The following SPARCL1 variants were observed in gnomAD, a reference collection of about 807,000 sequenced individuals.
SPARCL1 encodes the protein SPARC like 1.
In SPARCL1, 52 loss-of-function variants were observed where a neutral mutation model predicts 67.1. That is an observed-to-expected ratio of 0.78 (90% confidence interval 0.62 to 0.98). The LOEUF (loss-of-function observed/expected upper bound fraction) is 0.98. Ranked by LOEUF, SPARCL1 falls within the 50% of genes least tolerant of loss-of-function variation. SPARCL1 has a pLI of 0.00. For missense variants in SPARCL1, 717 were observed against 782.4 expected, an observed-to-expected ratio of 0.92 and a Z score of 1.00; for synonymous variants, 226 against 267.8, an observed-to-expected ratio of 0.84 and a Z score of 1.52.
intron 4 of SPARCL1, among the ~76,000 whole-genome samples, chr4:87,492,215 C>T (rs956241058): frequency 3.3e-5 from 5 of 152,036 alleles, no homozygotes; most frequent in Admixed American, 2.6e-4. Flanking sequence ...GTCAGGAATT[C>T]GAGACCAGCC....
intron 1 of SPARCL1, among the ~76,000 whole-genome samples, chr4:87,500,781 C>T (rs957360574): frequency 2.0e-5 from 3 of 151,524 alleles, no homozygotes; most frequent in African/African-American, 7.3e-5. Context: ...TTCACACACA[C>T]GTACGCGCGC....
At chr4:87,509,159 T>G (rs562368393) in intron 1 of SPARCL1, among the ~76,000 whole-genome samples, 122 of 151,424 alleles carry the variant, frequency 8.1e-4, no homozygotes, top group African/African-American at 2.5e-3. Flanking sequence ...GAAAGAGAGA[T>G]AGGAGGCATT....
intron 10 of SPARCL1, 135 bp from the exon 11 acceptor site, chr4:87,473,938 A>T: frequency 1.7e-6 from 1 of 602,730 alleles, no homozygotes; most frequent in Non-Finnish European, 2.9e-6. Flanking sequence ...TTGGTAGGAC[A>T]GCAACATCAC....
rs1724512627 is a variant in SPARCL1 at position 87,494,278 on chromosome 4, C to A, written c.522G>T (p.Gln174His). 1.9e-6 allele frequency: 3 copies of A among 1,613,912 alleles called. No individual in the cohort carries two copies. Among genetic ancestry groups the A allele is most frequent in the South Asian group, 1.1e-5 (1 of 91,080 alleles). Residue 174 changes from glutamine to histidine, a missense_variant, in exon 4 of 11, where the codon CAG becomes CAT. Coordinates refer to ENST00000282470, the MANE Select transcript of SPARCL1 (RefSeq NM_004684.6). The part of the protein sequence containing the change: ...QEQPRNYSHH[Q>H]LNRSSKHSQG... ...GGCTATGTTTACTGCTCCTGTTCAACTGATGATGTGAATAATTTCTAGGTT... is the reference window on the plus strand; with the variant it reads ...GGCTATGTTTACTGCTCCTGTTCAAATGATGATGTGAATAATTTCTAGGTT...
At chr4:87,511,209 T>C (rs1348248338) in intron 1 of SPARCL1, among the ~76,000 whole-genome samples, 1 of 152,146 alleles carries the variant, frequency 6.6e-6, no homozygotes, top group African/African-American at 2.4e-5. Context: ...AAAACACAAC[T>C]GGATAGTTCT....
At chr4:87,477,287 A>G (rs1560810186) in intron 10 of SPARCL1, among the ~76,000 whole-genome samples, 1 of 152,256 alleles carries the variant, frequency 6.6e-6, no homozygotes, top group Non-Finnish European at 1.5e-5. Context: ...ACAGGCATCC[A>G]TAAATACATC....
At chr4:87,477,435 T>C (rs1578091777) in intron 10 of SPARCL1, among the ~76,000 whole-genome samples, 1 of 151,674 alleles carries the variant, frequency 6.6e-6, no homozygotes, top group Non-Finnish European at 1.5e-5. Context: ...GTGGTCTCCT[T>C]CTCCTCCTCC....
chr4:87,495,069 T>A lies in SPARCL1; in HGVS notation c.113A>T (p.Asp38Val). The A allele has an allele frequency of 6.2e-7, 1 of 1,613,156 alleles. No homozygotes were observed. The highest frequency in any genetic ancestry group is 8.5e-7 in the Non-Finnish European group (1 of 1,179,740). ...SKPTAETVAP[D>V]NTAIPSLRAE... Reference sequence around the variant, plus strand: ...CCTTAAACTGGGGATTGCAGTGTTGTCAGGTGCTACCGTTTCAGCAGTTGG... The same window carrying A: ...CCTTAAACTGGGGATTGCAGTGTTGACAGGTGCTACCGTTTCAGCAGTTGG... Residue 38 changes from aspartate (D) to valine (V), a missense_variant, in exon 3 of 11, where the codon GAC becomes GTC. Transcript: ENST00000282470.
chr4:87,504,980 A>G (rs1725013691), intron 1 of SPARCL1: 1 of 152,240 alleles, frequency 6.6e-6, no homozygotes, highest in Non-Finnish European at 1.5e-5. Flanking sequence ...AATGTATTTA[A>G]GTAAAAACAT....
At chr4:87,491,118 C>T (rs1431086726) in intron 5 of SPARCL1, among the ~76,000 whole-genome samples, 3 of 152,172 alleles carry the variant, frequency 2.0e-5, no homozygotes, top group Non-Finnish European at 4.4e-5. Flanking sequence ...TAGATTTCCT[C>T]TTGCAGCAGT....
At chr4:87,522,683 G>T (rs866734443) in intron 1 of SPARCL1, among the ~76,000 whole-genome samples, 1 of 102,620 alleles carries the variant, frequency 9.7e-6, no homozygotes. Flanking sequence ...ACACACACAC[G>T]CACACACACA....
Position 87,499,584 on chromosome 4 carries a change from A to G in SPARCL1, c.-10T>C. The G allele has an allele frequency of 6.3e-7, 1 of 1,584,436 alleles. No homozygotes were observed. Among genetic ancestry groups the G allele is most frequent in the Non-Finnish European group, 8.5e-7 (1 of 1,171,940 alleles). ...AAAGCCCAGTCTTCATGCTTTCCAG[A>G]TCTGTGAACCAAGAAGATAATTATC... On this transcript the variant is annotated splice_region_variant and 5_prime_UTR_variant, in exon 2 of 11. Transcript: ENST00000282470.
In SPARCL1 at chr4:87,529,094, A is replaced by G. The variant is rs141024572; in HGVS notation, c.-61T>C. 2.6e-5 allele frequency: 4 copies of G among 152,344 alleles called. No individual in the cohort carries two copies. In the East Asian group the frequency reaches 7.7e-4, roughly 29 times the overall value. 9.4% of individuals were successfully genotyped at this position (152,344 alleles called of 1,614,324 possible). A position where few individuals can be genotyped will look rare whatever the true frequency, so the allele number is the denominator to read the frequency against. On this transcript the variant is annotated 5_prime_UTR_variant, in exon 1 of 11. Coordinates refer to ENST00000282470, the MANE Select transcript of SPARCL1 (RefSeq NM_004684.6). The stretch of plus-strand genomic sequence containing the variant: ...AGCCACTGCAGAAAAATTGAAGTTG[A>G]ATCCCCTCTGCACACAGACAGGGAA...
Position 87,473,644 on chromosome 4 carries a change from A to G in SPARCL1, c.*131T>C. 1.6e-6 allele frequency: 1 copy of G among 608,030 alleles called. No individual in the cohort carries two copies. The highest frequency in any genetic ancestry group is 2.9e-6 in the Non-Finnish European group (1 of 347,754). 37.7% of individuals were successfully genotyped at this position (608,030 alleles called of 1,614,324 possible). ...GTGCATAGGTTGTTGTCAAGCAATTACTCTCATTGTCTTGTCATACATGCT... is the reference window on the plus strand; with the variant it reads ...GTGCATAGGTTGTTGTCAAGCAATTGCTCTCATTGTCTTGTCATACATGCT... On this transcript the variant is annotated 3_prime_UTR_variant, in exon 11 of 11. Transcript: ENST00000282470.
chr4:87,522,049 C>T (rs1725840102), intron 1 of SPARCL1, among the ~76,000 whole-genome samples: 1 of 152,186 alleles, frequency 6.6e-6, no homozygotes, highest in Admixed American at 6.5e-5. Flanking sequence ...CATATTTTGG[C>T]TAACATATAC....
At chr4:87,501,185 G>C (rs1044812824) in intron 1 of SPARCL1, among the ~76,000 whole-genome samples, 4 of 152,130 alleles carry the variant, frequency 2.6e-5, no homozygotes, top group African/African-American at 9.7e-5. Context: ...CACTCCCAGA[G>C]CCTCGGAGTT....
At chr4:87,495,963 T>A (rs1281427538) in intron 2 of SPARCL1, among the ~76,000 whole-genome samples, 1 of 152,104 alleles carries the variant, frequency 6.6e-6, no homozygotes, top group Non-Finnish European at 1.5e-5. Context: ...TAATTCAGAC[T>A]GTGTGAGACA....
At position 87,491,676 on chromosome 4, in the gene SPARCL1, C is replaced by G; in HGVS notation, c.1233G>C (p.Glu411Asp). The G allele has an allele frequency of 6.2e-7, 1 of 1,613,346 alleles. No individual in the cohort carries two copies. Among genetic ancestry groups the G allele is most frequent in the Non-Finnish European group, 8.5e-7 (1 of 1,179,392 alleles). Residue 411 changes from glutamate to aspartate, a missense_variant, in exon 5 of 11, where the codon GAG (glutamate) becomes GAC (aspartate). By Grantham distance (45) the Glu-to-Asp change is conservative (BLOSUM62 2). Transcript: ENST00000282470. ...ACGTTTCCTCCTCATTTGATGAGTT[C>G]TCTGCTTTCTTGGCCTTTAGAATAA... is the stretch of plus-strand genomic sequence containing the variant. ...PGEHQEAKKA[E>D]NSSNEEETSS...
intron 1 of SPARCL1, among the ~76,000 whole-genome samples, chr4:87,513,281 G>T (rs935622489): frequency 6.6e-6 from 1 of 152,182 alleles, no homozygotes; most frequent in African/African-American, 2.4e-5. Flanking sequence ...ACAGAAATTT[G>T]AAGAGTCTAA....
Sources: allele counts gnomAD v4.1 joint callset (sites outside exome capture counted in the v4.1 genomes callset), GRCh38; gene constraint gnomAD v4.1.1; transcripts MANE v1.5; gene names NCBI Gene and HGNC (gene_info 2026-07-23, HGNC 2026-07-21).